SLC17A5: variants seen among roughly 807,000 people sequenced by gnomAD.
SLC17A5 encodes the protein solute carrier family 17 member 5.
A neutral mutation model predicts 59.4 loss-of-function variants in SLC17A5; 47 were observed. The observed-to-expected ratio is 0.79, with a 90% CI of 0.63 to 1.01. SLC17A5 has a LOEUF of 1.01. Among genes scored for constraint, SLC17A5 ranks in the 50% least tolerant of loss-of-function variants. The pLI is 0.00. For synonymous variants in SLC17A5, 202 were observed against 210.7 expected, an observed-to-expected ratio of 0.96 and a Z score of 0.36; for missense variants, 522 against 595.5, an observed-to-expected ratio of 0.88 and a Z score of 1.28.
At chr6:73,644,300 A>G (rs1321549085) in intron 2 of SLC17A5, 107 bp downstream of exon 2, 1 of 895,286 alleles carries the variant, frequency 1.1e-6, no homozygotes, top group Non-Finnish European at 1.7e-6. Context: ...TTCAGAGTAT[A>G]CACAAACAAA....
At chr6:73,626,129 G>A (rs1273162524) in intron 6 of SLC17A5, among the ~76,000 whole-genome samples, 1 of 152,098 alleles carries the variant, frequency 6.6e-6, no homozygotes, top group Non-Finnish European at 1.5e-5. Flanking sequence ...CCTACCTCTT[G>A]GAAACATAAC....
chr6:73,620,731 T>C lies in SLC17A5; in HGVS notation c.978+1073A>G, dbSNP rs560392326. On this transcript the variant is annotated intron_variant, in intron 7 of 10. Coordinates refer to ENST00000355773, the MANE Select transcript of SLC17A5 (RefSeq NM_012434.5). ...AGTCAGCCTTGTTAGCATTTTTTTT[T>C]TTTTTCCTGGGACAGAGTCTTGTTC... Among the ~76,000 whole-genome samples the C allele has an allele frequency of 2.0e-5, 3 of 152,192 alleles. No homozygotes were observed. In the South Asian group the frequency reaches 6.2e-4, roughly 32 times the overall value.
intron 7 of SLC17A5, 111 bp from the exon 8 acceptor site, chr6:73,615,558 A>T: frequency 9.6e-7 from 1 of 1,040,574 alleles, no homozygotes; most frequent in South Asian, 1.4e-5. Flanking sequence ...ATGCATAGCA[A>T]TATGTTGTTA....
chr6:73,632,434 C>CTTTTTTTTTTTTT lies in SLC17A5; in HGVS notation c.819+2935_819+2947dup, dbSNP rs1163170650. 2.3e-5 allele frequency among the ~76,000 whole-genome samples: 2 copies of CTTTTTTTTTTTTT among 86,766 alleles called. 1 individual carries two copies. The highest frequency in any genetic ancestry group is 8.2e-5 in the African/African-American group (2 of 24,278). The allele number at this position is 86,766 out of a possible 152,430, so 56.9% of individuals were successfully genotyped here. On this transcript the variant is annotated intron_variant, in intron 6 of 10. Coordinates refer to ENST00000355773, the MANE Select transcript of SLC17A5 (RefSeq NM_012434.5). ...AAGACACATATCGATGTAGAGAAAG[C>CTTTTTTTTTTTTT]TTTTTTTTTTTTTTTTTTTTTTTTT... is the stretch of plus-strand genomic sequence containing the variant.
In SLC17A5 at chr6:73,593,947, A is replaced by T. The variant is rs988398703; in HGVS notation, c.*1130T>A. 1 of 152,074 alleles carries T rather than the reference A, an allele frequency of 6.6e-6. No homozygotes were observed. The highest frequency in any genetic ancestry group is 2.4e-5 in the African/African-American group (1 of 41,426). 9.4% of individuals were successfully genotyped at this position (152,074 alleles called of 1,614,324 possible). On this transcript the variant is annotated 3_prime_UTR_variant, in exon 11 of 11. Coordinates refer to ENST00000355773, the MANE Select transcript of SLC17A5 (RefSeq NM_012434.5). ...ACAGCACATAGAAATTTATACTGTG[A>T]TCCATGTGAGAGTAGATTTAAACCA...
intron 8 of SLC17A5, among the ~76,000 whole-genome samples, chr6:73,613,500 G>A (rs1767722276): frequency 6.6e-6 from 1 of 152,010 alleles, no homozygotes; most frequent in African/African-American, 2.4e-5. Flanking sequence ...CAGGTAGCTG[G>A]GATTACAGGC....
At chr6:73,597,032 G>A (rs1407596102) in intron 10 of SLC17A5, among the ~76,000 whole-genome samples, 9 of 152,034 alleles carry the variant, frequency 5.9e-5, no homozygotes, top group African/African-American at 1.4e-4. Flanking sequence ...GTGGTGGCAG[G>A]CTCCTGTAAT....
At chr6:73,597,520 C>T (rs572300147) in intron 10 of SLC17A5, among the ~76,000 whole-genome samples, 1 of 151,282 alleles carries the variant, frequency 6.6e-6, no homozygotes, top group Admixed American at 6.6e-5. Flanking sequence ...CATGGCGGCT[C>T]ATGCCTGTAA....
intron 7 of SLC17A5, among the ~76,000 whole-genome samples, chr6:73,615,954 C>T (rs1166542091): frequency 5.3e-5 from 7 of 132,974 alleles, no homozygotes; most frequent in Non-Finnish European, 1.1e-4. Flanking sequence ...GGTGTGATCT[C>T]GACTCACTGC....
At chr6:73,602,451 T>TAAC (rs201268144) in intron 9 of SLC17A5, among the ~76,000 whole-genome samples, 57,887 of 149,432 alleles carry the variant, frequency 0.39, 11,624 homozygotes, top group African/African-American at 0.48. Context: ...AAATAAAAAT[T>TAAC]AACAACAACA....
rs1347763828 is a variant in SLC17A5, at chr6:73,644,361, GT to G, written c.291+45del. 5 of 1,439,730 alleles carry G rather than the reference GT, an allele frequency of 3.5e-6. No individual in the cohort carries two copies. The East Asian group carries it at 1.1e-4, about 33-fold the overall frequency. The allele number at this position is 1,439,730 out of a possible 1,614,324, so 89.2% of individuals were successfully genotyped here. ...GACCTTTTAATATTTTTACTTGCAA[GT>G]ATTTTAGGATAATTAAAATTGTTTC... On this transcript the variant is annotated intron_variant, in intron 2 of 10. Coordinates refer to ENST00000355773, the MANE Select transcript of SLC17A5 (RefSeq NM_012434.5).
intron 9 of SLC17A5, among the ~76,000 whole-genome samples, chr6:73,606,433 C>A (rs900697960): frequency 6.6e-6 from 1 of 152,200 alleles, no homozygotes; most frequent in African/African-American, 2.4e-5. Context: ...TGCTTACCAT[C>A]CTCCCAACTG....
At chr6:73,641,615 C>A in intron 3 of SLC17A5, 76 bp downstream of exon 3, 1 of 1,147,282 alleles carries the variant, frequency 8.7e-7, no homozygotes, top group Non-Finnish European at 1.3e-6. Context: ...CATATTCATA[C>A]CAAAGAATGA....
intron 10 of SLC17A5, 96 bp downstream of exon 10, chr6:73,600,255 C>T: frequency 1.1e-6 from 1 of 936,106 alleles, no homozygotes; most frequent in Non-Finnish European, 1.7e-6. Flanking sequence ...TTCATAAGAA[C>T]ATTTAGAATT....
chr6:73,635,225 C>T, intron 6 of SLC17A5, 157 bp downstream of exon 6: 1 of 553,714 alleles, frequency 1.8e-6, no homozygotes. Flanking sequence ...TGAGCCACTG[C>T]ACCCAGCCAG....
chr6:73,653,219 G>T, intron 1 of SLC17A5: 2 of 985,398 alleles, frequency 2.0e-6, no homozygotes, highest in Non-Finnish European at 2.4e-6. Context: ...ACTCACAAAT[G>T]TTAACTCCAG....
chr6:73,607,579 AT>A (rs1192968221), intron 9 of SLC17A5, among the ~76,000 whole-genome samples: 2 of 151,882 alleles, frequency 1.3e-5, no homozygotes, highest in Non-Finnish European at 2.9e-5. Context: ...CATAGCTCCA[AT>A]TTTTATCCGA....
chr6:73,605,637 A>ACG (rs965450641), intron 9 of SLC17A5, among the ~76,000 whole-genome samples: 2 of 141,842 alleles, frequency 1.4e-5, no homozygotes, highest in Non-Finnish European at 3.0e-5. Context: ...TTAAACACAC[A>ACG]CACACACACA....
At chr6:73,615,034 C>G (rs1767792998) in intron 8 of SLC17A5, among the ~76,000 whole-genome samples, 1 of 152,144 alleles carries the variant, frequency 6.6e-6, no homozygotes, top group Admixed American at 6.6e-5. Context: ...GGGGGGCGAT[C>G]TTGTGGAACT....
Sources: allele counts gnomAD v4.1 joint callset (sites outside exome capture counted in the v4.1 genomes callset), GRCh38; gene constraint gnomAD v4.1.1; transcripts MANE v1.5; gene names NCBI Gene and HGNC (gene_info 2026-07-23, HGNC 2026-07-21).